Variants in CAMKMT observed in about 807,000 individuals in gnomAD.
CAMKMT encodes calmodulin-lysine N-methyltransferase.
Under a neutral mutation model 48.0 loss-of-function variants are expected in CAMKMT, and 53 were observed. The observed-to-expected ratio is 1.10, with a 90% CI of 0.89 to 1.39. The LOEUF (loss-of-function observed/expected upper bound fraction) is 1.39, where lower values mean the gene tolerates loss of function less well. CAMKMT is among the 40% of genes most tolerant of loss of function. The pLI is 0.00. For synonymous variants in CAMKMT, 165 were observed against 152.3 expected (o/e 1.08, Z -0.61); for missense variants, 428 against 402.7 (o/e 1.06, Z -0.54).
chr2:44,658,094 A>G (rs539330877), intron 3 of CAMKMT, among the ~76,000 whole-genome samples: 8 of 152,332 alleles, frequency 5.3e-5, no homozygotes, highest in African/African-American at 1.7e-4. Context: ...AATTGACAGC[A>G]AAGCCACTTG....
chr2:44,585,182 C>T (rs987833843), intron 3 of CAMKMT, among the ~76,000 whole-genome samples: 24 of 152,226 alleles, frequency 1.6e-4, no homozygotes, highest in African/African-American at 5.5e-4. Context: ...TTTAAAGATT[C>T]TGCACTAGAT....
chr2:44,395,117 A>C (rs1067342), intron 3 of CAMKMT: 237,713 of 369,574 alleles, frequency 0.64, 77,663 homozygotes, highest in Middle Eastern at 0.68. Flanking sequence ...TATGGTCTAA[A>C]TTTTTAGTTT....
chr2:44,622,644 G>A (rs987423790), intron 3 of CAMKMT, among the ~76,000 whole-genome samples: 15 of 152,178 alleles, frequency 9.9e-5, no homozygotes, highest in African/African-American at 3.6e-4. Flanking sequence ...GCCTCCAGCC[G>A]CATCCTAATT....
chr2:44,495,507 A>G (rs1178753800), intron 3 of CAMKMT, among the ~76,000 whole-genome samples: 1 of 152,210 alleles, frequency 6.6e-6, no homozygotes, highest in Non-Finnish European at 1.5e-5. Context: ...AATTCATTGC[A>G]GTTTTGTAAT....
chr2:44,679,465 G>A (rs1030781035), intron 3 of CAMKMT, among the ~76,000 whole-genome samples: 2 of 152,106 alleles, frequency 1.3e-5, no homozygotes, highest in Non-Finnish European at 2.9e-5. Context: ...AAGTGACCAA[G>A]AATTTGATTA....
chr2:44,478,316 C>T (rs979855135), intron 3 of CAMKMT, among the ~76,000 whole-genome samples: 16 of 151,992 alleles, frequency 1.1e-4, no homozygotes, highest in Admixed American at 8.5e-4. Flanking sequence ...TTTCTTGCCA[C>T]CATTTGCTGT....
At chr2:44,456,593 A>G (rs1667576004) in intron 3 of CAMKMT, 15 of 1,549,838 alleles carry the variant, frequency 9.7e-6, no homozygotes, top group East Asian at 2.4e-5. Context: ...GAAAATGAAG[A>G]TATCACCATC....
chr2:44,390,326 A>G (rs531270065), intron 3 of CAMKMT, 21 bp downstream of exon 3: 13 of 1,505,568 alleles, frequency 8.6e-6, no homozygotes, highest in East Asian at 2.3e-5. Flanking sequence ...CATTCACTCT[A>G]TAGAAATATA....
intron 3 of CAMKMT, among the ~76,000 whole-genome samples, chr2:44,688,482 G>T (rs535869104): frequency 6.6e-6 from 1 of 150,942 alleles, no homozygotes; most frequent in African/African-American, 2.4e-5. Flanking sequence ...ATATATATGT[G>T]TATATATACA....
chr2:44,730,215 C>T (rs1339913141), intron 7 of CAMKMT, among the ~76,000 whole-genome samples: 4 of 152,184 alleles, frequency 2.6e-5, no homozygotes, highest in Non-Finnish European at 5.9e-5. Context: ...AAACCCTGGC[C>T]TCTTCTTTAG....
At chr2:44,733,572 G>A (rs1679196209) in intron 7 of CAMKMT, among the ~76,000 whole-genome samples, 1 of 152,034 alleles carries the variant, frequency 6.6e-6, no homozygotes, top group South Asian at 2.1e-4. Flanking sequence ...TTAACTATAG[G>A]TTTTTCATAG....
intron 9 of CAMKMT, among the ~76,000 whole-genome samples, chr2:44,764,384 T>C (rs1680747778): frequency 6.6e-6 from 1 of 150,436 alleles, no homozygotes; most frequent in South Asian, 2.1e-4. Flanking sequence ...CTTACATCAG[T>C]ATAATCTTTC....
chr2:44,655,993 A>G (rs1164483508), intron 3 of CAMKMT, among the ~76,000 whole-genome samples: 3 of 152,176 alleles, frequency 2.0e-5, no homozygotes, highest in Non-Finnish European at 2.9e-5. Flanking sequence ...TTGTTGATTT[A>G]AGTGGGGCAG....
At chr2:44,427,954 G>A (rs1357607948) in intron 3 of CAMKMT, among the ~76,000 whole-genome samples, 1 of 152,200 alleles carries the variant, frequency 6.6e-6, no homozygotes, top group Non-Finnish European at 1.5e-5. Flanking sequence ...TGGGGTGAAT[G>A]TCTTTGGGCA....
At chr2:44,685,724 G>A (rs757623593) in intron 3 of CAMKMT, among the ~76,000 whole-genome samples, 1 of 152,080 alleles carries the variant, frequency 6.6e-6, no homozygotes, top group Non-Finnish European at 1.5e-5. Context: ...CCACAAGATT[G>A]GTTATAAGGT....
In CAMKMT at chr2:44,590,793, A is replaced by C. The variant is rs1572871078; in HGVS notation, c.377-113490A>C. 3.3e-5 allele frequency among the ~76,000 whole-genome samples: 5 copies of C among 151,790 alleles called. No individual in the cohort carries two copies. In the South Asian group the frequency reaches 1.0e-3, roughly 32 times the overall value. ...TTTGTCAATTTTGGCTTTTGTTGCC[A>C]TTGCTTTTGGTGTTTTAGACATGAA... On this transcript the variant is annotated intron_variant, in intron 3 of 10. Coordinates refer to ENST00000378494, the MANE Select transcript of CAMKMT (RefSeq NM_024766.5).
intron 3 of CAMKMT, among the ~76,000 whole-genome samples, chr2:44,616,184 C>T (rs1213138608): frequency 6.6e-6 from 1 of 152,170 alleles, no homozygotes; most frequent in Non-Finnish European, 1.5e-5. Flanking sequence ...AGCCCCCTGC[C>T]GGTGCCCTGC....
intron 3 of CAMKMT, chr2:44,457,391 TTC>T (rs1405975925): frequency 1.3e-5 from 2 of 151,648 alleles, no homozygotes; most frequent in Non-Finnish European, 2.9e-5. Context: ...TCTTTTTATT[TTC>T]TTTCTCTCTT....
chr2:44,625,112 A>C (rs1672406412), intron 3 of CAMKMT, among the ~76,000 whole-genome samples: 1 of 152,220 alleles, frequency 6.6e-6, no homozygotes, highest in Non-Finnish European at 1.5e-5. Flanking sequence ...TACATCCCCC[A>C]GCAGTGTATG....
Sources: gnomAD v4.1 joint callset for allele counts (sites outside exome capture counted in the v4.1 genomes callset) on GRCh38, gnomAD v4.1.1 for gene constraint, MANE v1.5 for transcripts, NCBI Gene and HGNC (gene_info 2026-07-23, HGNC 2026-07-21) for gene names.